Variants in ABCC2 observed in about 807,000 individuals in gnomAD.
ABCC2 encodes ATP-binding cassette sub-family C member 2.
Under a neutral mutation model 173.4 loss-of-function variants are expected in ABCC2, and 157 were observed. The observed-to-expected ratio is 0.91, with a 90% CI of 0.80 to 1.03. The LOEUF (loss-of-function observed/expected upper bound fraction) is 1.03, where lower values mean the gene tolerates loss of function less well. ABCC2 is among the 50% of genes least tolerant of loss of function. The pLI, the probability that ABCC2 is intolerant of heterozygous loss-of-function variation, is 0.00. For missense variants in ABCC2, 1,822 were observed against 1,852.3 expected (o/e 0.98, Z 0.30); for synonymous variants, 657 against 693.5 (o/e 0.95, Z 0.83).
rs115447802 is a variant in ABCC2 at position 99,814,425 on chromosome 10, A to C, written c.2094+1281A>C. Among the ~76,000 whole-genome samples, 705 of 135,034 alleles carry C rather than the reference A, an allele frequency of 5.2e-3. 19 individuals are homozygous for C. Among genetic ancestry groups the C allele is most frequent in the African/African-American group, 0.017 (601 of 35,954 alleles). The allele number at this position is 135,034 out of a possible 152,430, so 88.6% of individuals were successfully genotyped here. Reference sequence around the variant, plus strand: ...TATACACACGTGTATATATGTGTGCATATATGTGTATACACACATATGTGT... The same window carrying C: ...TATACACACGTGTATATATGTGTGCCTATATGTGTATACACACATATGTGT... On this transcript the variant is annotated intron_variant, in intron 16 of 31. Transcript: ENST00000647814.
intron 9 of ABCC2, 131 bp downstream of exon 9, chr10:99,800,694 C>T (rs1238226475): frequency 9.6e-7 from 1 of 1,043,010 alleles, no homozygotes; most frequent in Admixed American, 1.9e-5. Context: ...GCCATACAGC[C>T]TCCTTTAGAT....
chr10:99,803,808 T>G (rs1275132782), intron 9 of ABCC2, among the ~76,000 whole-genome samples: 2 of 151,716 alleles, frequency 1.3e-5, no homozygotes, highest in African/African-American at 4.8e-5. Context: ...ATGGGTAGAG[T>G]TGGAGGAAGG....
chr10:99,827,114 G>C (rs2038656356), intron 19 of ABCC2, among the ~76,000 whole-genome samples: 1 of 149,300 alleles, frequency 6.7e-6, no homozygotes, highest in African/African-American at 2.5e-5. Flanking sequence ...GTGGTGCTGG[G>C]GGCATTCCTG....
intron 19 of ABCC2, among the ~76,000 whole-genome samples, chr10:99,826,844 C>A (rs2038648880): frequency 8.3e-6 from 1 of 120,138 alleles, no homozygotes; most frequent in Admixed American, 8.4e-5. Flanking sequence ...TGGGTCCATA[C>A]TGTTTTACTC....
intron 25 of ABCC2, 119 bp from the exon 26 acceptor site, chr10:99,841,848 C>A: frequency 7.2e-7 from 1 of 1,384,470 alleles, no homozygotes; most frequent in Non-Finnish European, 1.0e-6. Context: ...TGAGGCATTG[C>A]CTAAGAGTGC....
At chr10:99,801,923 T>C (rs1003255529) in intron 9 of ABCC2, among the ~76,000 whole-genome samples, 3 of 152,184 alleles carry the variant, frequency 2.0e-5, no homozygotes, top group Non-Finnish European at 4.4e-5. Flanking sequence ...TCTAGTCAAG[T>C]CCTTTGAACT....
chr10:99,791,924 A>G (rs187124553), intron 2 of ABCC2, among the ~76,000 whole-genome samples: 32 of 152,350 alleles, frequency 2.1e-4, no homozygotes, highest in African/African-American at 6.5e-4. Flanking sequence ...CCAGAAGTAC[A>G]TCCCTAAGTC....
chr10:99,793,794 TG>T, intron 4 of ABCC2, 97 bp from the exon 5 acceptor site: 1 of 1,574,200 alleles, frequency 6.4e-7, no homozygotes, highest in Non-Finnish European at 8.7e-7. Context: ...TAGAGGGATT[TG>T]ATCATAGGCT....
In ABCC2 at chr10:99,844,007, T is replaced by C. The variant is rs1590191857; in HGVS notation, c.3843+107T>C. 6.0e-6 allele frequency: 6 copies of C among 997,946 alleles called. No homozygotes were observed. In the Admixed American group the frequency reaches 8.7e-5, roughly 14 times the overall value. 61.8% of individuals were successfully genotyped at this position (997,946 alleles called of 1,614,324 possible). On this transcript the variant is annotated intron_variant, in intron 27 of 31. Transcript: ENST00000647814. ...ATATTTTACATGGGCCCATAATGGG[T>C]CCCTAAAGTTTCCTTTCCTCTAACT...
chr10:99,838,194 G>T (rs2038859847), intron 25 of ABCC2, among the ~76,000 whole-genome samples: 6 of 56,176 alleles, frequency 1.1e-4, no homozygotes, highest in Admixed American at 5.7e-4. Flanking sequence ...GGCTGGCCGG[G>T]CGGGGGGCTG....
At chr10:99,818,683 C>T in intron 17 of ABCC2, 107 bp from the exon 18 acceptor site, 2 of 1,189,752 alleles carry the variant, frequency 1.7e-6, no homozygotes, top group South Asian at 2.6e-5. Context: ...ATTTTTAACC[C>T]CTTGACACCT....
chr10:99,826,577 A>T, intron 19 of ABCC2, among the ~76,000 whole-genome samples: 1 of 148,292 alleles, frequency 6.7e-6, no homozygotes. Context: ...CAATGGCCTC[A>T]TTTTGCATTA....
intron 16 of ABCC2, among the ~76,000 whole-genome samples, chr10:99,815,726 A>T (rs1017497248): frequency 2.6e-5 from 4 of 151,986 alleles, no homozygotes; most frequent in African/African-American, 9.7e-5. Context: ...CCTCCAATTG[A>T]TTTATATTGA....
intron 19 of ABCC2, among the ~76,000 whole-genome samples, chr10:99,820,067 C>A (rs895853199): frequency 5.9e-5 from 9 of 152,198 alleles, no homozygotes; most frequent in Non-Finnish European, 1.3e-4. Flanking sequence ...CATGTTCTGA[C>A]CATGAGGTGA....
Position 99,807,364 on chromosome 10 carries a change from AT to A in ABCC2, c.1531-12del. The A allele has an allele frequency of 6.2e-7, 1 of 1,613,594 alleles. No homozygotes were observed. Among genetic ancestry groups the A allele is most frequent in the African/African-American group, 1.3e-5 (1 of 74,972 alleles). On this transcript the variant is annotated intron_variant, in intron 11 of 31. Coordinates refer to ENST00000647814, the MANE Select transcript of ABCC2 (RefSeq NM_000392.5). ...TTTCAGGGGCAATCATGTGAGCTGT[AT>A]TTTTTTTCAACTTATTAGATCCTGA...
intron 28 of ABCC2, among the ~76,000 whole-genome samples, chr10:99,844,712 A>T (rs2038993950): frequency 6.6e-6 from 1 of 152,154 alleles, no homozygotes; most frequent in Admixed American, 6.5e-5. Flanking sequence ...TAGCCAGCTG[A>T]CCAGGGCCCC....
chr10:99,848,111 G>A (rs2039043664), intron 30 of ABCC2, among the ~76,000 whole-genome samples: 1 of 152,136 alleles, frequency 6.6e-6, no homozygotes, highest in South Asian at 2.1e-4. Context: ...TGGACATAGG[G>A]AGTTTTAAAG....
chr10:99,811,479 G>A, intron 14 of ABCC2, 57 bp from the exon 15 acceptor site: 1 of 1,536,882 alleles, frequency 6.5e-7, no homozygotes, highest in Non-Finnish European at 9.0e-7. Context: ...AGACACGTGA[G>A]GGCAGACAGT....
Position 99,846,380 on chromosome 10 carries a change from C to T in ABCC2, c.4147-581C>T, listed in dbSNP as rs143030406. Among the ~76,000 whole-genome samples, 1,478 of 152,268 alleles carry T rather than the reference C, an allele frequency of 9.7e-3. 17 individuals carry two copies. Among genetic ancestry groups the T allele is most frequent in the South Asian group, 0.041 (200 of 4,822 alleles). Reference sequence around the variant, plus strand: ...TGGTCTGTCTGGTGTTTGCTCAGTTCGATAGTCTTTTCTCCAGCCTCTTCA... The same window carrying T: ...TGGTCTGTCTGGTGTTTGCTCAGTTTGATAGTCTTTTCTCCAGCCTCTTCA... On this transcript the variant is annotated intron_variant, in intron 29 of 31. Transcript: ENST00000647814.
Sources: gnomAD v4.1 joint callset for allele counts (sites outside exome capture counted in the v4.1 genomes callset) on GRCh38, gnomAD v4.1.1 for gene constraint, MANE v1.5 for transcripts, NCBI Gene and HGNC (gene_info 2026-07-23, HGNC 2026-07-21) for gene names.